Variants in CPQ observed in about 807,000 individuals in gnomAD.
CPQ encodes the protein carboxypeptidase Q.
A neutral mutation model predicts 45.7 loss-of-function variants in CPQ; 37 were observed. The observed-to-expected ratio is 0.81, with a 90% CI of 0.62 to 1.07. The LOEUF is 1.07. Ranked by LOEUF, CPQ falls within the 50% of genes least tolerant of loss-of-function variation. The pLI is 0.00. For synonymous variants in CPQ, 186 were observed against 205.8 expected, an observed-to-expected ratio of 0.90 and a Z score of 0.82; for missense variants, 537 against 572.9, an observed-to-expected ratio of 0.94 and a Z score of 0.64.
At chr8:96,986,295 C>T (rs754518159) in intron 5 of CPQ, among the ~76,000 whole-genome samples, 6 of 152,150 alleles carry the variant, frequency 3.9e-5, no homozygotes, top group Non-Finnish European at 8.8e-5. Flanking sequence ...ATTTTCATAT[C>T]GGATTAGAAA....
chr8:97,038,383 C>T (rs1810038608), intron 6 of CPQ, among the ~76,000 whole-genome samples: 2 of 152,138 alleles, frequency 1.3e-5, no homozygotes, highest in South Asian at 4.1e-4. Flanking sequence ...TGCCTCAGTG[C>T]CTCCCTACTC....
At chr8:96,872,321 T>C (rs1237712547) in intron 3 of CPQ, among the ~76,000 whole-genome samples, 4 of 151,948 alleles carry the variant, frequency 2.6e-5, no homozygotes, top group Non-Finnish European at 5.9e-5. Context: ...ACAGAAGTCA[T>C]GTGGAATTTT....
chr8:97,126,278 C>G (rs1407825783), intron 7 of CPQ, among the ~76,000 whole-genome samples: 1 of 152,116 alleles, frequency 6.6e-6, no homozygotes, highest in East Asian at 1.9e-4. Flanking sequence ...TAAAAAATAG[C>G]AAGAGTGACA....
chr8:96,719,808 A>G (rs1277186690), intron 1 of CPQ, among the ~76,000 whole-genome samples: 2 of 152,164 alleles, frequency 1.3e-5, no homozygotes, highest in East Asian at 1.9e-4. Flanking sequence ...ACTGCTCCCT[A>G]TAACAGCTCC....
At chr8:97,121,702 T>C (rs903816903) in intron 7 of CPQ, among the ~76,000 whole-genome samples, 3 of 151,994 alleles carry the variant, frequency 2.0e-5, no homozygotes, top group Non-Finnish European at 4.4e-5. Flanking sequence ...GACCTAGAAA[T>C]GATAGTGATG....
rs186520307 is a variant in CPQ, at chr8:96,766,688, A to G, written c.-34-18176A>G. ...TAAGTGGAGAATAAAATCATCTTCA[A>G]GTATAACTCAGGTTTACTCTGGAGC... On this transcript the variant is annotated intron_variant, in intron 1 of 7. Transcript: ENST00000220763. 5.3e-4 allele frequency among the ~76,000 whole-genome samples: 80 copies of G among 152,280 alleles called. No individual in the cohort carries two copies. The East Asian group carries it at 0.015, about 28-fold the overall frequency.
chr8:96,868,514 T>TA (rs1812023064), intron 3 of CPQ, among the ~76,000 whole-genome samples: 1 of 152,024 alleles, frequency 6.6e-6, no homozygotes, highest in Admixed American at 6.6e-5. Context: ...TAAACACTCA[T>TA]ACCTTCATTC....
At chr8:96,923,580 CCTAT>C (rs1812836517) in intron 4 of CPQ, among the ~76,000 whole-genome samples, 1 of 152,158 alleles carries the variant, frequency 6.6e-6, no homozygotes, top group African/African-American at 2.4e-5. Flanking sequence ...CATCAATCCA[CCTAT>C]CTATTCATCC....
intron 2 of CPQ, among the ~76,000 whole-genome samples, chr8:96,801,571 G>T (rs1358961715): frequency 1.3e-5 from 2 of 152,014 alleles, no homozygotes; most frequent in East Asian, 3.9e-4. Flanking sequence ...GCTTTTAAGG[G>T]CAGGGATGAT....
intron 1 of CPQ, among the ~76,000 whole-genome samples, chr8:96,733,732 GA>G (rs1277699092): frequency 2.0e-5 from 3 of 151,456 alleles, no homozygotes; most frequent in East Asian, 1.9e-4. Context: ...TTTTTTTCCT[GA>G]AAAAAAATCT....
chr8:96,936,958 TTTCCTTCC>T (rs1011804431), intron 4 of CPQ, among the ~76,000 whole-genome samples: 1 of 152,084 alleles, frequency 6.6e-6, no homozygotes, highest in African/African-American at 2.4e-5. Context: ...ATGTGATATC[TTTCCTTCC>T]TTCCTTCCTT....
chr8:96,764,941 A>T (rs1345957593), intron 1 of CPQ, among the ~76,000 whole-genome samples: 6 of 152,202 alleles, frequency 3.9e-5, no homozygotes, highest in Non-Finnish European at 8.8e-5. Flanking sequence ...ACTTTTTTCA[A>T]GTCCACAATT....
At chr8:96,678,594 T>C (rs1301878718) in intron 1 of CPQ, among the ~76,000 whole-genome samples, 1 of 152,140 alleles carries the variant, frequency 6.6e-6, no homozygotes, top group Admixed American at 6.6e-5. Flanking sequence ...TTATGTCCTT[T>C]TGAAAATAGC....
At chr8:96,923,655 C>T (rs529515609) in intron 4 of CPQ, among the ~76,000 whole-genome samples, 3 of 152,246 alleles carry the variant, frequency 2.0e-5, no homozygotes, top group East Asian at 1.9e-4. Context: ...AGCACCATTT[C>T]CCTGGCCAAG....
intron 7 of CPQ, among the ~76,000 whole-genome samples, chr8:97,123,204 TAAA>T (rs1229598077): frequency 0.02 from 834 of 42,678 alleles, 68 homozygotes; most frequent in African/African-American, 0.057. Flanking sequence ...TAAAATAAAA[TAAA>T]AAATAAAATA....
chr8:97,022,043 C>A (rs1006001929), intron 5 of CPQ, among the ~76,000 whole-genome samples: 1 of 152,110 alleles, frequency 6.6e-6, no homozygotes, highest in African/African-American at 2.4e-5. Context: ...GGCACATAGA[C>A]CAATGGAACA....
chr8:96,775,696 G>A (rs1240831751), intron 1 of CPQ, among the ~76,000 whole-genome samples: 2 of 152,160 alleles, frequency 1.3e-5, no homozygotes, highest in Non-Finnish European at 2.9e-5. Flanking sequence ...CAAGGTAATA[G>A]GTTTTTCACA....
At chr8:96,848,789 TCATTC>T (rs1394527050) in intron 3 of CPQ, among the ~76,000 whole-genome samples, 7 of 152,354 alleles carry the variant, frequency 4.6e-5, no homozygotes, top group Middle Eastern at 3.4e-3. Context: ...TGAATGAACA[TCATTC>T]CATTTAGTTT....
intron 2 of CPQ, among the ~76,000 whole-genome samples, chr8:96,793,426 T>C (rs1810879039): frequency 1.3e-5 from 2 of 151,872 alleles, no homozygotes; most frequent in South Asian, 2.1e-4. Context: ...AACCATGAGA[T>C]CTTGTGAGAC....
Sources: gnomAD v4.1 joint callset for allele counts (sites outside exome capture counted in the v4.1 genomes callset) on GRCh38, gnomAD v4.1.1 for gene constraint, MANE v1.5 for transcripts, NCBI Gene and HGNC (gene_info 2026-07-23, HGNC 2026-07-21) for gene names.